RANBP2: variants seen among roughly 807,000 people sequenced by gnomAD.
The protein encoded by RANBP2 is E3 SUMO-protein ligase RanBP2.
RANBP2 carries 57 observed loss-of-function variants against 303.6 expected under a neutral mutation model. The observed-to-expected ratio is 0.19, with a 90% confidence interval of 0.15 to 0.23. The LOEUF is 0.23. Among genes scored for constraint, RANBP2 ranks in the 10% least tolerant of loss-of-function variants. The pLI, the probability that RANBP2 is intolerant of heterozygous loss-of-function variation, is 1.00. For synonymous variants in RANBP2, 1,167 were observed against 1,301.5 expected, an observed-to-expected ratio of 0.90 and a Z score of 2.23; for missense variants, 3,138 against 3,780.8, an observed-to-expected ratio of 0.83 and a Z score of 4.46.
the RANBP2 span, among the ~76,000 whole-genome samples, chr2:109,454,831 C>T: frequency 6.6e-6 from 1 of 151,802 alleles, no homozygotes; most frequent in African/African-American, 2.4e-5. Flanking sequence ...ATAGAAGGCA[C>T]CTGGTGATGA....
chr2:109,301,844 T>C, the RANBP2 span, among the ~76,000 whole-genome samples: 1 of 152,208 alleles, frequency 6.6e-6, no homozygotes, highest in Non-Finnish European at 1.5e-5. Flanking sequence ...CTTTAGCATG[T>C]TTGAGAATTT....
chr2:108,982,532 A>C, the RANBP2 span, among the ~76,000 whole-genome samples: 1 of 152,248 alleles, frequency 6.6e-6, no homozygotes, highest in African/African-American at 2.4e-5. Flanking sequence ...AATCTTCACA[A>C]AATAAATATT....
At chr2:108,967,650 G>A in the RANBP2 span, among the ~76,000 whole-genome samples, 2 of 152,168 alleles carry the variant, frequency 1.3e-5, no homozygotes, top group African/African-American at 4.8e-5. Context: ...GAAAATGTAA[G>A]GTGATTTTGA....
the RANBP2 span, among the ~76,000 whole-genome samples, chr2:109,404,370 C>T: frequency 5.3e-5 from 8 of 152,142 alleles, no homozygotes; most frequent in East Asian, 1.5e-3. Context: ...GAGTGGGGTG[C>T]CGATGCAGAA....
the RANBP2 span, among the ~76,000 whole-genome samples, chr2:108,834,144 C>G: frequency 2.6e-5 from 4 of 151,644 alleles, no homozygotes; most frequent in Non-Finnish European, 5.9e-5. Context: ...TTCCTGTCAT[C>G]AGAATCAATT....
chr2:109,702,392 G>T, the RANBP2 span, among the ~76,000 whole-genome samples: 1 of 152,210 alleles, frequency 6.6e-6, no homozygotes, highest in Non-Finnish European at 1.5e-5. Flanking sequence ...AGTGGCTCAT[G>T]CTTAGTCACT....
intron 1 of RANBP2, chr2:108,720,040 C>G (rs1694106084): frequency 3.0e-6 from 3 of 985,018 alleles, no homozygotes; most frequent in South Asian, 4.7e-5. Context: ...GGTGCTGTAT[C>G]GGCGGGTTTC....
the RANBP2 span, among the ~76,000 whole-genome samples, chr2:109,236,262 C>T: frequency 1.1e-4 from 17 of 152,190 alleles, no homozygotes; most frequent in Non-Finnish European, 5.9e-5. Flanking sequence ...TGACCAAATT[C>T]CCCTCGGTCC....
At chr2:109,300,586 G>C in the RANBP2 span, among the ~76,000 whole-genome samples, 1 of 152,188 alleles carries the variant, frequency 6.6e-6, no homozygotes, top group African/African-American at 2.4e-5. Flanking sequence ...TTAGGGGTAT[G>C]ATTGGCAAAT....
the RANBP2 span, among the ~76,000 whole-genome samples, chr2:109,420,771 G>C: frequency 6.6e-6 from 1 of 152,120 alleles, no homozygotes; most frequent in Non-Finnish European, 1.5e-5. Flanking sequence ...AAGCAAAAAA[G>C]TATTTTGAAG....
chr2:109,296,978 A>G, the RANBP2 span, among the ~76,000 whole-genome samples: 2 of 151,948 alleles, frequency 1.3e-5, no homozygotes, highest in African/African-American at 4.8e-5. Context: ...TGATTTACCT[A>G]TTTCCTCCTC....
At chr2:109,238,255 T>C in the RANBP2 span, among the ~76,000 whole-genome samples, 1 of 151,896 alleles carries the variant, frequency 6.6e-6, no homozygotes, top group Non-Finnish European at 1.5e-5. Flanking sequence ...AATAGAAAAG[T>C]GTTGGCTCTA....
the RANBP2 span, among the ~76,000 whole-genome samples, chr2:108,917,284 G>C: frequency 2.0e-5 from 3 of 152,132 alleles, no homozygotes; most frequent in African/African-American, 7.2e-5. Flanking sequence ...GGGGAAGGAG[G>C]GGCTGGTTAA....
At chr2:108,999,333 A>T in the RANBP2 span, among the ~76,000 whole-genome samples, 2 of 152,224 alleles carry the variant, frequency 1.3e-5, no homozygotes, top group African/African-American at 4.8e-5. Context: ...CCTATAATTA[A>T]CAATTACGCT....
chr2:109,732,910 A>G, the RANBP2 span: 10 of 810,578 alleles, frequency 1.2e-5, no homozygotes, highest in South Asian at 1.3e-4. Context: ...GAAGAACACT[A>G]TGTGGCCCCT....
chr2:109,393,950 C>G, the RANBP2 span, among the ~76,000 whole-genome samples: 11 of 152,138 alleles, frequency 7.2e-5, no homozygotes, highest in South Asian at 2.3e-3. Context: ...CTGGCGCTGT[C>G]GTGGACCCAG....
At chr2:108,772,260 T>C (rs17036868) in intron 21 of RANBP2, among the ~76,000 whole-genome samples, 3,187 of 152,282 alleles carry the variant, frequency 0.021, 104 homozygotes, top group African/African-American at 0.073. Flanking sequence ...CAGTGGTATA[T>C]AGTATTGGGT....
the RANBP2 span, among the ~76,000 whole-genome samples, chr2:109,024,857 C>CTA: frequency 1.3e-5 from 2 of 152,118 alleles, no homozygotes; most frequent in Non-Finnish European, 2.9e-5. Flanking sequence ...ATTGCAAAAA[C>CTA]TATATATATA....
chr2:109,374,823 C>T, the RANBP2 span, among the ~76,000 whole-genome samples: 7 of 152,236 alleles, frequency 4.6e-5, no homozygotes, highest in East Asian at 7.7e-4. Flanking sequence ...ACTCTCACCT[C>T]GCCTGGCCTC....
Sources: gnomAD v4.1 joint callset for allele counts (sites outside exome capture counted in the v4.1 genomes callset) on GRCh38, gnomAD v4.1.1 for gene constraint, MANE v1.5 for transcripts, NCBI Gene and HGNC (gene_info 2026-07-23, HGNC 2026-07-21) for gene names.